ANAPC7: variants seen among roughly 807,000 people sequenced by gnomAD.
ANAPC7 encodes the protein anaphase promoting complex subunit 7, also known as anaphase-promoting complex subunit 7.
In ANAPC7, 25 loss-of-function variants were observed where a neutral mutation model predicts 63.3. The ratio of observed to expected loss-of-function variants is 0.39; its 90% confidence interval spans 0.29 to 0.55. The LOEUF is 0.55. Ranked by LOEUF, ANAPC7 falls within the 20% of genes least tolerant of loss-of-function variation. The probability of loss-of-function intolerance (pLI) is 0.57; values close to 1 mark genes in which losing one functional copy is unlikely to be tolerated. For synonymous variants in ANAPC7, 241 were observed against 251.7 expected, an observed-to-expected ratio of 0.96 and a Z score of 0.40; for missense variants, 516 against 691.7, an observed-to-expected ratio of 0.75 and a Z score of 2.85.
intron 10 of ANAPC7, chr12:110,375,476 A>G (rs1291669097): frequency 4.8e-5 from 47 of 984,364 alleles, no homozygotes; most frequent in Non-Finnish European, 5.7e-5. Flanking sequence ...CTTCTGTATT[A>G]AACAGTAAGA....
At chr12:110,386,528 T>C in intron 5 of ANAPC7, 59 bp from the exon 6 acceptor site, 1 of 1,388,160 alleles carries the variant, frequency 7.2e-7, no homozygotes, top group Non-Finnish European at 1.0e-6. Context: ...TCTTAGTTGC[T>C]GAATCTGGAT....
Position 110,403,693 on chromosome 12 carries a change from G to C in ANAPC7, c.-66C>G. 6.4e-7 allele frequency: 1 copy of C among 1,552,910 alleles called. No homozygotes were observed. The highest frequency in any genetic ancestry group is 1.2e-5 in the South Asian group (1 of 84,254). On this transcript the variant is annotated 5_prime_UTR_variant, in exon 1 of 11. Coordinates refer to ENST00000455511, the MANE Select transcript of ANAPC7 (RefSeq NM_016238.3). Reference sequence around the variant, plus strand: ...TCGAAAAGCCGGTAGAGGATCCTTAGGGAAGACTCCAAAATGGCGGCGTCG... The same window carrying C: ...TCGAAAAGCCGGTAGAGGATCCTTACGGAAGACTCCAAAATGGCGGCGTCG...
At chr12:110,403,502 C>T in intron 1 of ANAPC7, 25 bp downstream of exon 1, 1 of 1,565,654 alleles carries the variant, frequency 6.4e-7, no homozygotes, top group Non-Finnish European at 8.7e-7. Flanking sequence ...TCCTCAGCCC[C>T]AGGCAGCTAC....
chr12:110,394,200 TA>T (rs1883356759), intron 3 of ANAPC7, among the ~76,000 whole-genome samples: 1 of 147,038 alleles, frequency 6.8e-6, no homozygotes, highest in African/African-American at 2.5e-5. Context: ...AAAACAAAAA[TA>T]AAAAATAGGC....
Position 110,374,276 on chromosome 12 carries a change from C to G in ANAPC7, c.1566G>C (p.Glu522Asp). 1 of 1,614,196 alleles carries G rather than the reference C, an allele frequency of 6.2e-7. No homozygotes were observed. The highest frequency in any genetic ancestry group is 1.1e-5 in the South Asian group (1 of 91,090). The change falls in exon 11 of 11, where the codon GAG becomes GAC. Residue 522 changes from glutamate to aspartate, a missense_variant. By Grantham distance (45) the Glu-to-Asp change is conservative. Around this residue, in one of 4 missense-constraint regions of ANAPC7, gnomAD observed 122 missense variants for 212.0 expected, o/e 0.58. Transcript: ENST00000455511. ...LEGMQKMEKE[E>D]SPTDATQEED... The stretch of plus-strand genomic sequence containing the variant: ...CCTCCTGAGTGGCATCCGTGGGACT[C>G]TCCTCCTTCTCCATCTTCTGCATCC...
intron 1 of ANAPC7, among the ~76,000 whole-genome samples, chr12:110,399,926 T>G (rs912789751): frequency 6.6e-6 from 1 of 151,948 alleles, no homozygotes; most frequent in African/African-American, 2.4e-5. Flanking sequence ...AAACCTCGTC[T>G]CTACTAAAAA....
At chr12:110,375,039 CCTCTAATGGAAGTCTGAT>C (rs1317419627) in intron 10 of ANAPC7, among the ~76,000 whole-genome samples, 1 of 152,190 alleles carries the variant, frequency 6.6e-6, no homozygotes, top group Admixed American at 6.5e-5. Context: ...GCAAACCCCA[CCTCTAATGGAAGTCTGAT>C]ATTTTATTTT....
chr12:110,393,968 C>T (rs1399494606), intron 3 of ANAPC7, among the ~76,000 whole-genome samples: 2 of 148,956 alleles, frequency 1.3e-5, no homozygotes, highest in Admixed American at 6.7e-5. Flanking sequence ...GTCAGGAGTT[C>T]GAGACCAGCC....
intron 3 of ANAPC7, among the ~76,000 whole-genome samples, chr12:110,394,355 G>A (rs1420675689): frequency 2.0e-5 from 3 of 151,688 alleles, no homozygotes; most frequent in Non-Finnish European, 4.4e-5. Flanking sequence ...GGCCAGGTGC[G>A]GTGGCTCCCG....
chr12:110,378,374 G>A (rs573739870), intron 8 of ANAPC7, among the ~76,000 whole-genome samples: 14 of 152,334 alleles, frequency 9.2e-5, no homozygotes, highest in Non-Finnish European at 1.5e-4. Context: ...GATTACAGGC[G>A]TAAGCCACCG....
intron 6 of ANAPC7, among the ~76,000 whole-genome samples, chr12:110,383,875 C>CAAAAAAAAAAAAAAAAA (rs1159374781): frequency 1.1e-3 from 55 of 50,678 alleles, no homozygotes; most frequent in South Asian, 1.7e-3. Flanking sequence ...GACTCCGTCT[C>CAAAAAAAAAAAAAAAAA]AAAAAAAAAA....
intron 10 of ANAPC7, 98 bp from the exon 11 acceptor site, chr12:110,374,431 G>A: frequency 1.6e-6 from 2 of 1,241,854 alleles, no homozygotes; most frequent in Non-Finnish European, 2.2e-6. Context: ...TGACCACACA[G>A]TCCCAAAAAA....
At chr12:110,395,760 A>G (rs1592926037) in intron 2 of ANAPC7, among the ~76,000 whole-genome samples, 2 of 151,648 alleles carry the variant, frequency 1.3e-5, no homozygotes, top group Non-Finnish European at 2.9e-5. Flanking sequence ...GGATGGTTTC[A>G]ATCTCCTGAC....
At chr12:110,394,658 A>T (rs571013660) in intron 3 of ANAPC7, among the ~76,000 whole-genome samples, 1 of 125,656 alleles carries the variant, frequency 8.0e-6, no homozygotes, top group Admixed American at 9.3e-5. Flanking sequence ...AACAAGAGTG[A>T]AATTCCACCT....
intron 1 of ANAPC7, 138 bp downstream of exon 1, chr12:110,403,389 G>A (rs2062261936): frequency 1.1e-6 from 1 of 900,120 alleles, no homozygotes; most frequent in African/African-American, 1.7e-5. Context: ...TCCGCTCCAG[G>A]ACGCCCTCGC....
In ANAPC7 at chr12:110,397,851, C is replaced by T. The variant is rs192098181; in HGVS notation, c.102-1399G>A. On this transcript the variant is annotated intron_variant, in intron 1 of 10. Transcript: ENST00000455511. ...CAGAGGTTGCTGTGAGCCGAGATTG[C>T]GCCACTACACTCCAGCCTGGGCGAC... Among the ~76,000 whole-genome samples, 107 of 149,834 alleles carry T rather than the reference C, an allele frequency of 7.1e-4. No individual in the cohort carries two copies. In the South Asian group the frequency reaches 0.017, roughly 24 times the overall value.
At chr12:110,398,393 G>A (rs1051687950) in intron 1 of ANAPC7, among the ~76,000 whole-genome samples, 3 of 151,518 alleles carry the variant, frequency 2.0e-5, no homozygotes, top group African/African-American at 7.3e-5. Context: ...CACCAGCCTG[G>A]GCAACAGGGA....
intron 7 of ANAPC7, among the ~76,000 whole-genome samples, chr12:110,382,450 A>AT (rs1881954550): frequency 1.5e-4 from 12 of 81,138 alleles, no homozygotes; most frequent in African/African-American, 5.1e-4. Flanking sequence ...TTAAAAAAAA[A>AT]AAAAAAAAAA....
At chr12:110,387,665 G>T in intron 5 of ANAPC7, 74 bp downstream of exon 5, 2 of 1,511,276 alleles carry the variant, frequency 1.3e-6, no homozygotes, top group Middle Eastern at 2.2e-4. Context: ...TTTTCTTTTT[G>T]CTACTTCAGA....
Sources: gnomAD v4.1 joint callset for allele counts (sites outside exome capture counted in the v4.1 genomes callset) on GRCh38, gnomAD v4.1.1 for gene constraint, gnomAD v4.1.1 regional missense constraint, MANE v1.5 for transcripts, NCBI Gene and HGNC (gene_info 2026-07-23, HGNC 2026-07-21) for gene names.